CP: variants seen among roughly 807,000 people sequenced by gnomAD.
The protein encoded by CP is caeruloplasmin.
In CP, 64 loss-of-function variants were observed where a neutral mutation model predicts 122.4. The ratio of observed to expected loss-of-function variants is 0.52; its 90% CI spans 0.43 to 0.64. The LOEUF is 0.64. CP is among the 30% of genes least tolerant of loss of function. CP has a pLI of 0.00. For synonymous variants in CP, 440 were observed against 436.4 expected, an observed-to-expected ratio of 1.01 and a Z score of -0.10; for missense variants, 1,167 against 1,284.4, an observed-to-expected ratio of 0.91 and a Z score of 1.40.
intron 9 of CP, among the ~76,000 whole-genome samples, chr3:149,189,420 G>A (rs777637487): frequency 6.6e-6 from 1 of 150,848 alleles, no homozygotes; most frequent in Non-Finnish European, 1.5e-5. Flanking sequence ...CGGGTGTGAT[G>A]GCGGGCTCCT....
chr3:149,181,979 A>AACCCCAACCCC, intron 14 of CP, 26 bp downstream of exon 14: 1 of 515,796 alleles, frequency 1.9e-6, no homozygotes. Context: ...AAAATGCACC[A>AACCCCAACCCC]CCCCCACCCC....
Position 149,175,392 on chromosome 3 carries a change from T to G in CP, c.3181+858A>C, listed in dbSNP as rs74793018. Reference sequence around the variant, plus strand: ...TTGTGTAAGACCCAGGAGCAGAAATTAAAACTTTCCATTTGCACTAAAGGT... The same window carrying G: ...TTGTGTAAGACCCAGGAGCAGAAATGAAAACTTTCCATTTGCACTAAAGGT... On this transcript the variant is annotated intron_variant, in intron 18 of 18. Transcript: ENST00000264613. Among the ~76,000 whole-genome samples the G allele has an allele frequency of 4.6e-5, 7 of 152,286 alleles. No homozygotes were observed. In the East Asian group the frequency reaches 1.2e-3, roughly 25 times the overall value.
downstream of CP, chr3:149,172,202 C>A (rs774646241): frequency 6.2e-7 from 1 of 1,613,052 alleles, no homozygotes; most frequent in South Asian, 1.1e-5. Context: ...CTATTGCAGT[C>A]GAAAGAAACC....
chr3:149,220,279 C>A (rs1301472574), intron 1 of CP, among the ~76,000 whole-genome samples: 1 of 152,042 alleles, frequency 6.6e-6, no homozygotes, highest in Non-Finnish European at 1.5e-5. Context: ...TGATCACGAA[C>A]AATGGCAGAG....
In CP at chr3:149,163,830, T is replaced by C. The variant is rs1214739484; in HGVS notation, c.*14-955A>G. 4 of 1,394,088 alleles carry C rather than the reference T, an allele frequency of 2.9e-6. No individual in the cohort carries two copies. In the East Asian group the frequency reaches 9.2e-5, roughly 32 times the overall value. 86.4% of individuals were successfully genotyped at this position (1,394,088 alleles called of 1,614,324 possible). On this transcript the variant is annotated intron_variant, in intron 5 of 5. Coordinates refer to the CP transcript ENST00000479771. ...TTATATTTTGTTTATGAGAAATTCT[T>C]TTATGTTTTAGATAAATGCCTGTAG...
chr3:149,177,611 G>A (rs1725503005), intron 17 of CP, among the ~76,000 whole-genome samples: 1 of 152,106 alleles, frequency 6.6e-6, no homozygotes. Context: ...ATTCAACATA[G>A]TACTCAGTGC....
intron 1 of CP, chr3:149,217,875 G>T: frequency 2.2e-6 from 1 of 449,192 alleles, no homozygotes; most frequent in Non-Finnish European, 4.6e-6. Context: ...CCGTAAGGTG[G>T]AATGTTCTTT....
chr3:149,184,837 G>A (rs1009714380), intron 12 of CP, among the ~76,000 whole-genome samples: 3 of 152,178 alleles, frequency 2.0e-5, no homozygotes, highest in African/African-American at 7.2e-5. Context: ...TGAAATGACC[G>A]ATTGTTAGAC....
intron 10 of CP, 31 bp from the exon 11 acceptor site, chr3:149,186,763 G>T: frequency 6.2e-7 from 1 of 1,602,826 alleles, no homozygotes; most frequent in Non-Finnish European, 8.5e-7. Context: ...CATTTTGGAA[G>T]TGGTTTAGAT....
rs753089687 is a variant in CP at position 149,210,329 on chromosome 3, C to A, written c.445G>T (p.Val149Leu). ...TTDFQRADDK[V>L]YPGEQYTYML... ...TATGTATACTGCTCTCCTGGATATA[C>A]TTTGTCATCTGCTCTTTGAAAATCT... Residue 149 changes from valine to leucine, a missense_variant, in exon 3 of 19, where the codon GTA (valine) becomes TTA (leucine). Physicochemically the swap from Val to Leu is conservative, Grantham distance 32. This residue lies in a region of CP where 642 missense variants were observed against 627.3 expected (regional missense o/e 1.02). Transcript: ENST00000264613. The A allele has an allele frequency of 6.2e-7, 1 of 1,614,060 alleles. No homozygotes were observed. The highest frequency in any genetic ancestry group is 8.5e-7 in the Non-Finnish European group (1 of 1,179,960).
chr3:149,176,438 G>A (rs1725423568), intron 17 of CP, 26 bp from the exon 18 acceptor site: 2 of 1,494,810 alleles, frequency 1.3e-6, no homozygotes, highest in African/African-American at 1.4e-5. Context: ...GACAAATAAT[G>A]TATAATATTG....
intron 1 of CP, among the ~76,000 whole-genome samples, chr3:149,218,962 A>G (rs16861637): frequency 0.093 from 14,120 of 152,162 alleles, 996 homozygotes; most frequent in East Asian, 0.35. Flanking sequence ...ATACGATAAG[A>G]AGTGCCAACC....
chr3:149,200,196 T>C (rs1727205472), intron 7 of CP, among the ~76,000 whole-genome samples: 1 of 152,176 alleles, frequency 6.6e-6, no homozygotes, highest in Non-Finnish European at 1.5e-5. Flanking sequence ...AGGTGTGTCA[T>C]TTGTCCCAAG....
intron 5 of CP, among the ~76,000 whole-genome samples, chr3:149,206,628 G>A (rs2108288511): frequency 6.6e-6 from 1 of 152,284 alleles, no homozygotes; most frequent in African/African-American, 2.4e-5. Flanking sequence ...TTCTTTCAAT[G>A]AGAGAAAAAG....
chr3:149,206,112 T>G, intron 6 of CP, 56 bp downstream of exon 6: 2 of 1,544,798 alleles, frequency 1.3e-6, no homozygotes, highest in South Asian at 2.3e-5. Context: ...CCTTTTGTAG[T>G]TCCTTTGTGC....
chr3:149,216,958 C>T (rs1278181186), intron 1 of CP, among the ~76,000 whole-genome samples: 12 of 142,664 alleles, frequency 8.4e-5, no homozygotes, highest in Admixed American at 1.5e-4. Context: ...TATAATGTAA[C>T]GGCGTGATCT....
rs201368226 is a variant in CP at position 149,216,900 on chromosome 3, C to CT, written c.147-4203dup. On this transcript the variant is annotated intron_variant, in intron 1 of 18. Coordinates refer to ENST00000264613, the MANE Select transcript of CP (RefSeq NM_000096.4). ...AGTGTACTGCACTAGCTATTGCTTG[C>CT]TTTTTTTTTTTTTTTTTTGAGATGG... is the stretch of plus-strand genomic sequence containing the variant. Among the ~76,000 whole-genome samples the CT allele has an allele frequency of 9.9e-3, 1,285 of 129,546 alleles. 14 individuals are homozygous for CT. The highest frequency in any genetic ancestry group is 0.023 in the East Asian group (103 of 4,552). 85.0% of individuals were successfully genotyped at this position (129,546 alleles called of 152,430 possible). A position where few individuals can be genotyped will look rare whatever the true frequency, so the allele number is the denominator to read the frequency against.
chr3:149,202,870 A>G (rs1375858520), intron 6 of CP, among the ~76,000 whole-genome samples: 1 of 146,026 alleles, frequency 6.8e-6, no homozygotes, highest in Non-Finnish European at 1.5e-5. Context: ...CGGCCTCCCA[A>G]AGTGCTGGGA....
exon 6 of CP, chr3:149,162,442 CAGACAT>C (rs776615170): frequency 1.9e-6 from 2 of 1,048,396 alleles, no homozygotes; most frequent in Non-Finnish European, 2.9e-6. Flanking sequence ...ATTGAAAAAA[CAGACAT>C]ACATAATCAG....
Sources: gnomAD v4.1 joint callset for allele counts (sites outside exome capture counted in the v4.1 genomes callset) on GRCh38, gnomAD v4.1.1 for gene constraint, gnomAD v4.1.1 regional missense constraint, MANE v1.5 for transcripts, NCBI Gene and HGNC (gene_info 2026-07-23, HGNC 2026-07-21) for gene names.